LSAMP: variants seen among roughly 807,000 people sequenced by gnomAD.
LSAMP encodes the protein limbic system associated membrane protein, also known as limbic system-associated membrane protein.
A neutral mutation model predicts 38.6 loss-of-function variants in LSAMP; 7 were observed. The observed-to-expected ratio is 0.18, with a 90% CI of 0.10 to 0.34. The LOEUF (loss-of-function observed/expected upper bound fraction) is 0.34, where lower values mean the gene tolerates loss of function less well. Ranked by LOEUF, LSAMP falls within the 10% of genes least tolerant of loss-of-function variation. LSAMP has a pLI of 1.00. For synonymous variants in LSAMP, 154 were observed against 166.8 expected (o/e 0.92, Z 0.59); for missense variants, 313 against 420.0 (o/e 0.75, Z 2.23).
At chr3:115,863,511 G>T (rs372722796) in intron 3 of LSAMP, among the ~76,000 whole-genome samples, 2 of 145,460 alleles carry the variant, frequency 1.4e-5, no homozygotes, top group South Asian at 4.3e-4. Context: ...CTAAACAATG[G>T]GATTCAAATA....
intron 4 of LSAMP, among the ~76,000 whole-genome samples, chr3:115,845,993 T>C: frequency 6.6e-6 from 1 of 152,244 alleles, no homozygotes; most frequent in East Asian, 1.9e-4. Flanking sequence ...GCTCATTGTT[T>C]CTAATATTTT....
chr3:116,221,963 A>G (rs2046291117), intron 1 of LSAMP, among the ~76,000 whole-genome samples: 1 of 151,856 alleles, frequency 6.6e-6, no homozygotes, highest in Non-Finnish European at 1.5e-5. Context: ...GGATTTATTC[A>G]AAGGACAATT....
intron 3 of LSAMP, among the ~76,000 whole-genome samples, chr3:115,886,652 A>G (rs1936461521): frequency 6.6e-6 from 1 of 151,964 alleles, no homozygotes; most frequent in African/African-American, 2.4e-5. Flanking sequence ...TAGCTAATCT[A>G]GTCCTTATCC....
chr3:116,005,364 C>T lies in LSAMP; in HGVS notation c.514+14151G>A, dbSNP rs1576300721. On this transcript the variant is annotated intron_variant, in intron 3 of 6. Coordinates refer to ENST00000490035, the MANE Select transcript of LSAMP (RefSeq NM_002338.5). Reference sequence around the variant, plus strand: ...GATCAGGTCAGAAGCAAGATTCAGTCCTTACAGACTGGCCATGGTAGCAGC... The same window carrying T: ...GATCAGGTCAGAAGCAAGATTCAGTTCTTACAGACTGGCCATGGTAGCAGC... Among the ~76,000 whole-genome samples the T allele has an allele frequency of 3.3e-5, 5 of 152,270 alleles. No individual in the cohort carries two copies. The Middle Eastern group carries it at 0.01, about 311-fold the overall frequency.
At chr3:116,004,805 C>T (rs952153364) in intron 3 of LSAMP, among the ~76,000 whole-genome samples, 2 of 152,068 alleles carry the variant, frequency 1.3e-5, no homozygotes, top group East Asian at 1.9e-4. Context: ...AGGAATACCC[C>T]TTGGCAATTC....
chr3:115,826,713 C>A (rs1317963102), intron 6 of LSAMP, among the ~76,000 whole-genome samples: 1 of 152,090 alleles, frequency 6.6e-6, no homozygotes, highest in Non-Finnish European at 1.5e-5. Flanking sequence ...ATTAACTTAA[C>A]CTGTGCCAAA....
chr3:116,086,383 G>C lies in LSAMP; in HGVS notation c.329C>G (p.Thr110Ser). 6.2e-7 allele frequency: 1 copy of C among 1,614,146 alleles called. No homozygotes were observed. Among genetic ancestry groups the C allele is most frequent in the Non-Finnish European group, 8.5e-7 (1 of 1,180,020 alleles). ...KVDVYDEGSYTCSVQTQHEPK... is the reference protein window; with the variant it reads ...KVDVYDEGSYSCSVQTQHEPK... ...CTCATGCTGTGTCTGAACTGAGCAA[G>C]TGTAGGAACCCTCATCATAGACATC... The change falls in exon 2 of 7, where the codon ACT (threonine) becomes AGT (serine). Residue 110 changes from threonine to serine, a missense_variant. By Grantham distance (58) the Thr-to-Ser change is moderately conservative. Coordinates refer to ENST00000490035, the MANE Select transcript of LSAMP (RefSeq NM_002338.5).
chr3:116,236,739 C>T (rs1306123389), intron 1 of LSAMP, among the ~76,000 whole-genome samples: 1 of 151,986 alleles, frequency 6.6e-6, no homozygotes, highest in East Asian at 1.9e-4. Context: ...TGGAAAAGGT[C>T]CATTGTTTAA....
intron 1 of LSAMP, among the ~76,000 whole-genome samples, chr3:116,356,504 A>C (rs555501036): frequency 2.0e-5 from 3 of 152,208 alleles, no homozygotes; most frequent in Non-Finnish European, 2.9e-5. Flanking sequence ...TATACAATGA[A>C]TAAGACCTAG....
chr3:116,391,420 C>T lies in LSAMP; in HGVS notation c.155+53457G>A, dbSNP rs995392439. Among the ~76,000 whole-genome samples, 3 of 152,340 alleles carry T rather than the reference C, an allele frequency of 2.0e-5. No homozygotes were observed. In the East Asian group the frequency reaches 5.8e-4, roughly 29 times the overall value. On this transcript the variant is annotated intron_variant, in intron 1 of 6. Transcript: ENST00000490035. Reference sequence around the variant, plus strand: ...CAGACCCTGGCCCTGCATCGCCACTCTCGCCTGCTGCTGCTGCGGGGAGGG... The same window carrying T: ...CAGACCCTGGCCCTGCATCGCCACTTTCGCCTGCTGCTGCTGCGGGGAGGG...
chr3:116,100,019 A>T (rs1012347299), intron 1 of LSAMP, among the ~76,000 whole-genome samples: 1 of 143,244 alleles, frequency 7.0e-6, no homozygotes, highest in Non-Finnish European at 1.5e-5. Context: ...ATTCCCTGTT[A>T]TCAGTTAATG....
intron 6 of LSAMP, among the ~76,000 whole-genome samples, chr3:115,827,834 T>C (rs747168928): frequency 5.9e-5 from 9 of 152,296 alleles, no homozygotes; most frequent in Non-Finnish European, 1.0e-4. Context: ...TGCCATGCTG[T>C]GTTCTTACTT....
At chr3:115,899,351 C>T (rs1379535985) in intron 3 of LSAMP, among the ~76,000 whole-genome samples, 1 of 151,968 alleles carries the variant, frequency 6.6e-6, no homozygotes, top group Non-Finnish European at 1.5e-5. Flanking sequence ...CTAGGAAACA[C>T]TCCAGAAAAG....
At chr3:115,845,500 A>G (rs1004990535) in intron 4 of LSAMP, among the ~76,000 whole-genome samples, 3 of 152,162 alleles carry the variant, frequency 2.0e-5, no homozygotes, top group Admixed American at 6.5e-5. Flanking sequence ...GGGAAGAAGA[A>G]ACTGGGCCTG....
chr3:116,197,083 A>G (rs1710900742), intron 1 of LSAMP, among the ~76,000 whole-genome samples: 2 of 151,670 alleles, frequency 1.3e-5, no homozygotes, highest in South Asian at 4.2e-4. Context: ...AGTCTCTGAT[A>G]AAATGGGGGT....
chr3:116,177,738 T>A (rs1365384118), intron 1 of LSAMP, among the ~76,000 whole-genome samples: 2 of 152,176 alleles, frequency 1.3e-5, no homozygotes, highest in Non-Finnish European at 2.9e-5. Flanking sequence ...GTGGCCTAGA[T>A]GAGATTGCCG....
chr3:115,951,372 C>T (rs1938283224), intron 3 of LSAMP, among the ~76,000 whole-genome samples: 1 of 152,128 alleles, frequency 6.6e-6, no homozygotes, highest in Admixed American at 6.5e-5. Flanking sequence ...ACAAACTATG[C>T]ATCTGACAAA....
chr3:116,259,105 G>T (rs1219301929), intron 1 of LSAMP, among the ~76,000 whole-genome samples: 2 of 152,088 alleles, frequency 1.3e-5, no homozygotes, highest in Non-Finnish European at 2.9e-5. Context: ...AACATATTCA[G>T]TAATTAGAAC....
At chr3:116,049,096 A>G (rs1277465064) in intron 2 of LSAMP, among the ~76,000 whole-genome samples, 1 of 152,194 alleles carries the variant, frequency 6.6e-6, no homozygotes, top group Non-Finnish European at 1.5e-5. Context: ...TACACTGTCT[A>G]TGTTACAGAG....
Sources: gnomAD v4.1 joint callset for allele counts (sites outside exome capture counted in the v4.1 genomes callset) on GRCh38, gnomAD v4.1.1 for gene constraint, MANE v1.5 for transcripts, NCBI Gene and HGNC (gene_info 2026-07-23, HGNC 2026-07-21) for gene names.